The following PTPRT variants were observed in gnomAD, a reference collection of about 807,000 sequenced individuals.
PTPRT encodes the protein receptor-type tyrosine-protein phosphatase T.
In PTPRT, 56 loss-of-function variants were observed where a neutral mutation model predicts 176.8. That is an observed-to-expected ratio of 0.32 (90% CI 0.26 to 0.40). PTPRT has a LOEUF of 0.40. PTPRT is among the 10% of genes least tolerant of loss of function. The pLI, the probability that PTPRT is intolerant of heterozygous loss-of-function variation, is 1.00. For synonymous variants in PTPRT, 783 were observed against 739.0 expected (o/e 1.06, Z -0.96); for missense variants, 1,540 against 1,908.2 (o/e 0.81, Z 3.60).
intron 9 of PTPRT, among the ~76,000 whole-genome samples, chr20:42,427,916 G>A (rs540110747): frequency 3.3e-5 from 5 of 152,034 alleles, no homozygotes; most frequent in Admixed American, 6.6e-5. Flanking sequence ...TCCTGCCCAC[G>A]AGAGAACAAC....
At chr20:42,359,695 C>A (rs2058405527) in intron 9 of PTPRT, among the ~76,000 whole-genome samples, 1 of 152,238 alleles carries the variant, frequency 6.6e-6, no homozygotes, top group Admixed American at 6.5e-5. Flanking sequence ...AGCAGCAACG[C>A]CTCTGAACAG....
chr20:43,039,552 T>C (rs773029198), intron 1 of PTPRT, among the ~76,000 whole-genome samples: 5 of 151,968 alleles, frequency 3.3e-5, no homozygotes, highest in Non-Finnish European at 5.9e-5. Context: ...GCCATGAAGA[T>C]GAAAAATCAG....
chr20:42,426,242 C>G (rs2059162667), intron 9 of PTPRT, among the ~76,000 whole-genome samples: 1 of 151,998 alleles, frequency 6.6e-6, no homozygotes, highest in Non-Finnish European at 1.5e-5. Flanking sequence ...CATATAAAAC[C>G]CAAACCCCGG....
At chr20:42,300,103 A>C (rs142307386) in intron 12 of PTPRT, among the ~76,000 whole-genome samples, 2,192 of 151,724 alleles carry the variant, frequency 0.014, 57 homozygotes, top group African/African-American at 0.05. Context: ...ACTAAAAATA[A>C]AAAAATTAGC....
chr20:42,633,721 G>A (rs1250008246), intron 7 of PTPRT, among the ~76,000 whole-genome samples: 1 of 133,744 alleles, frequency 7.5e-6, no homozygotes, highest in African/African-American at 3.0e-5. Flanking sequence ...GGGAGGTGGA[G>A]GTCACAGTGA....
chr20:42,231,433 T>C (rs1440358323), intron 15 of PTPRT, among the ~76,000 whole-genome samples: 1 of 152,204 alleles, frequency 6.6e-6, no homozygotes, highest in Non-Finnish European at 1.5e-5. Flanking sequence ...CAAAATAACA[T>C]ATACTTTGCA....
rs1332909921 is a variant in PTPRT, at chr20:42,619,708, T to C, written c.1153+58158A>G. Reference sequence around the variant, plus strand: ...CATTCATTTCATCTTTCATTGCTGATGCCCTTTCTTCCAGTTGATCACATC... The same window carrying C: ...CATTCATTTCATCTTTCATTGCTGACGCCCTTTCTTCCAGTTGATCACATC... On this transcript the variant is annotated intron_variant, in intron 7 of 30. Transcript: ENST00000373187. 6.6e-5 allele frequency among the ~76,000 whole-genome samples: 9 copies of C among 136,600 alleles called. 1 individual carries two copies. The highest frequency in any genetic ancestry group is 9.1e-5 in the Non-Finnish European group (6 of 65,930). 89.6% of individuals were successfully genotyped at this position (136,600 alleles called of 152,430 possible).
chr20:42,482,981 A>T (rs1905630408), intron 7 of PTPRT, among the ~76,000 whole-genome samples: 1 of 152,212 alleles, frequency 6.6e-6, no homozygotes, highest in Non-Finnish European at 1.5e-5. Flanking sequence ...TGTGTTTTGA[A>T]GGAAATATAG....
chr20:43,027,773 T>C (rs1418211282), intron 1 of PTPRT, among the ~76,000 whole-genome samples: 1 of 152,164 alleles, frequency 6.6e-6, no homozygotes, highest in East Asian at 1.9e-4. Context: ...CATAAATGAA[T>C]ACACTACCTA....
chr20:42,487,591 G>A (rs6030271), intron 7 of PTPRT, among the ~76,000 whole-genome samples: 3,316 of 152,250 alleles, frequency 0.022, 122 homozygotes, highest in African/African-American at 0.076. Flanking sequence ...GAGGCAAGAG[G>A]GCAGAGAGGA....
the PTPRT span, among the ~76,000 whole-genome samples, chr20:42,056,919 C>G: frequency 6.6e-6 from 1 of 152,188 alleles, no homozygotes; most frequent in African/African-American, 2.4e-5. Flanking sequence ...CCCATCCATT[C>G]TTGACTTCCT....
chr20:42,148,278 T>A (rs997859132), intron 17 of PTPRT, among the ~76,000 whole-genome samples: 1 of 151,528 alleles, frequency 6.6e-6, no homozygotes, highest in African/African-American at 2.4e-5. Flanking sequence ...TTTTTTTTTT[T>A]TTTTAGTTCA....
At chr20:42,544,236 C>T (rs556482331) in intron 7 of PTPRT, among the ~76,000 whole-genome samples, 2 of 152,338 alleles carry the variant, frequency 1.3e-5, no homozygotes, top group South Asian at 4.2e-4. Context: ...TTTAGTCTAG[C>T]CACCTTCATC....
chr20:42,161,976 T>C (rs1259644448), intron 16 of PTPRT, among the ~76,000 whole-genome samples: 4 of 152,142 alleles, frequency 2.6e-5, no homozygotes, highest in Non-Finnish European at 4.4e-5. Context: ...TACTCGAAGA[T>C]TGGAGTCACA....
Position 42,691,870 on chromosome 20 carries a change from G to C in PTPRT, c.860-13711C>G, listed in dbSNP as rs183284253. On this transcript the variant is annotated intron_variant, in intron 6 of 30. Coordinates refer to ENST00000373187, the MANE Select transcript of PTPRT (RefSeq NM_007050.6). ...TGTCTACCACAGGTCACTGCCTCTA[G>C]GTGCTTCTGTAGAGGAAGAGAACAT... 1.6e-3 allele frequency among the ~76,000 whole-genome samples: 236 copies of C among 152,248 alleles called. 3 individuals carry two copies. The highest frequency in any genetic ancestry group is 2.1e-4 in the Non-Finnish European group (14 of 68,018).
Position 42,484,278 on chromosome 20 carries a change from TTAA to T in PTPRT, c.1154-11719_1154-11717del, listed in dbSNP as rs74409323. Among the ~76,000 whole-genome samples the T allele has an allele frequency of 7.8e-3, 1,194 of 152,302 alleles. 12 individuals carry two copies. The highest frequency in any genetic ancestry group is 0.014 in the Middle Eastern group (4 of 294). On this transcript the variant is annotated intron_variant, in intron 7 of 30. Coordinates refer to ENST00000373187, the MANE Select transcript of PTPRT (RefSeq NM_007050.6). ...TCATGTATTAGTTGTTGCAAACAAC[TTAA>T]TAAGTATTTGCGTCCTAACAAATAA...
At chr20:42,728,376 G>C (rs1459927093) in intron 6 of PTPRT, among the ~76,000 whole-genome samples, 1 of 152,180 alleles carries the variant, frequency 6.6e-6, no homozygotes, top group Non-Finnish European at 1.5e-5. Context: ...TTGAGTAGCA[G>C]TGCCTCACTT....
At chr20:43,112,788 C>T (rs546615820) in intron 1 of PTPRT, among the ~76,000 whole-genome samples, 1 of 152,204 alleles carries the variant, frequency 6.6e-6, no homozygotes, top group Non-Finnish European at 1.5e-5. Flanking sequence ...AACAGAGACA[C>T]TTGCTGCTTT....
In PTPRT at chr20:43,091,222, C is replaced by T. The variant is rs1391620019; in HGVS notation, c.88+98424G>A. 3.3e-5 allele frequency among the ~76,000 whole-genome samples: 5 copies of T among 151,930 alleles called. No homozygotes were observed. In the East Asian group the frequency reaches 9.7e-4, roughly 29 times the overall value. On this transcript the variant is annotated intron_variant, in intron 1 of 30. Transcript: ENST00000373187. ...CACTCCAGCCTGGGCGACGGAGATTCCATCTCAAAAAAAAAACAAACCCTG... is the reference window on the plus strand; with the variant it reads ...CACTCCAGCCTGGGCGACGGAGATTTCATCTCAAAAAAAAAACAAACCCTG...
Sources: allele counts gnomAD v4.1 joint callset (sites outside exome capture counted in the v4.1 genomes callset), GRCh38; gene constraint gnomAD v4.1.1; transcripts MANE v1.5; gene names NCBI Gene and HGNC (gene_info 2026-07-23, HGNC 2026-07-21).